The following MTA1 variants were observed in gnomAD, a reference collection of about 807,000 sequenced individuals.
The protein encoded by MTA1 is metastasis-associated protein MTA1.
In MTA1, 15 loss-of-function variants were observed where a neutral mutation model predicts 97.0. The ratio of observed to expected loss-of-function variants is 0.15; its 90% CI spans 0.10 to 0.24. The LOEUF (loss-of-function observed/expected upper bound fraction) is 0.24. Ranked by LOEUF, MTA1 falls within the 10% of genes least tolerant of loss-of-function variation. MTA1 has a pLI of 1.00. For missense variants in MTA1, 709 were observed against 1,015.1 expected (o/e 0.70, Z 4.10); for synonymous variants, 435 against 417.5 (o/e 1.04, Z -0.51).
At chr14:105,457,461 C>A (rs1266074800) in intron 7 of MTA1, among the ~76,000 whole-genome samples, 1 of 152,238 alleles carries the variant, frequency 6.6e-6, no homozygotes, top group Non-Finnish European at 1.5e-5. Flanking sequence ...CACTCCCTGG[C>A]CCCCGGCTCT....
At chr14:105,454,759 A>G (rs950669401) in intron 7 of MTA1, 5 of 156,934 alleles carry the variant, frequency 3.2e-5, no homozygotes, top group Admixed American at 6.1e-5. Context: ...GGCGCCCGCC[A>G]TCACGCCCGG....
At chr14:105,440,863 G>A (rs2082487726) in intron 2 of MTA1, among the ~76,000 whole-genome samples, 1 of 152,250 alleles carries the variant, frequency 6.6e-6, no homozygotes, top group African/African-American at 2.4e-5. Flanking sequence ...GGGCGCAGCT[G>A]GTTGAGTACA....
chr14:105,464,905 G>C, intron 15 of MTA1, 42 bp downstream of exon 15: 1 of 1,518,378 alleles, frequency 6.6e-7, no homozygotes, highest in Non-Finnish European at 8.8e-7. Flanking sequence ...TCCTGCGGGT[G>C]GTGGGGAGAG....
At chr14:105,437,034 G>A (rs587733232) in intron 1 of MTA1, among the ~76,000 whole-genome samples, 1 of 152,366 alleles carries the variant, frequency 6.6e-6, no homozygotes, top group Admixed American at 6.5e-5. Context: ...CCCGGGCACC[G>A]TGGCTGTGTC....
chr14:105,449,443 C>T, intron 4 of MTA1, 34 bp downstream of exon 4: 2 of 1,604,964 alleles, frequency 1.2e-6, no homozygotes, highest in Non-Finnish European at 1.7e-6. Context: ...GGGCGTCCTC[C>T]TGTCTGTGTC....
rs587681457 is a variant in MTA1, at chr14:105,456,585, C to T, written c.551-1685C>T. Among the ~76,000 whole-genome samples, 109 of 152,342 alleles carry T rather than the reference C, an allele frequency of 7.2e-4. 1 individual carries two copies. The highest frequency in any genetic ancestry group is 2.2e-3 in the African/African-American group (92 of 41,578). On this transcript the variant is annotated intron_variant, in intron 7 of 20. Coordinates refer to ENST00000331320, the MANE Select transcript of MTA1 (RefSeq NM_004689.4). The stretch of plus-strand genomic sequence containing the variant: ...TGGCGTCCAGAGCTTTCCCCACCTC[C>T]GAGAGGCTGTGTCCCTCTTGAGTGA...
intron 2 of MTA1, among the ~76,000 whole-genome samples, chr14:105,441,328 C>A (rs1486481750): frequency 6.6e-6 from 1 of 152,226 alleles, no homozygotes; most frequent in Non-Finnish European, 1.5e-5. Context: ...GCCCACAGAC[C>A]CAGCTGCTGG....
intron 3 of MTA1, chr14:105,445,882 GTC>G (rs2082702909): frequency 5.5e-6 from 2 of 360,934 alleles, no homozygotes; most frequent in South Asian, 2.2e-5. Flanking sequence ...ACTTGCCAAT[GTC>G]TCTCTCTTTT....
At chr14:105,426,823 C>T (rs1431132206) in intron 1 of MTA1, among the ~76,000 whole-genome samples, 3 of 152,236 alleles carry the variant, frequency 2.0e-5, no homozygotes, top group African/African-American at 7.2e-5. Context: ...AAATACAGGA[C>T]ACCCCTGCAG....
At chr14:105,441,967 A>G (rs2082546713) in intron 2 of MTA1, among the ~76,000 whole-genome samples, 1 of 152,186 alleles carries the variant, frequency 6.6e-6, no homozygotes, top group Non-Finnish European at 1.5e-5. Flanking sequence ...GAAGTAGCAA[A>G]TGAAATGAAA....
At chr14:105,432,114 A>G (rs782721838) in intron 1 of MTA1, among the ~76,000 whole-genome samples, 1 of 152,316 alleles carries the variant, frequency 6.6e-6, no homozygotes, top group Non-Finnish European at 1.5e-5. Flanking sequence ...TGCAGCCTCA[A>G]TTTCCTGGGC....
intron 18 of MTA1, chr14:105,468,014 CAG>C (rs2083668434): frequency 3.2e-6 from 1 of 316,552 alleles, no homozygotes; most frequent in African/African-American, 2.2e-5. Context: ...GCCCTGGGCT[CAG>C]AGGGGTCAGC....
At chr14:105,456,066 G>A (rs1454577620) in intron 7 of MTA1, among the ~76,000 whole-genome samples, 1 of 152,200 alleles carries the variant, frequency 6.6e-6, no homozygotes, top group Non-Finnish European at 1.5e-5. Flanking sequence ...CTGAGCATGG[G>A]GAGGCCGCTG....
intron 1 of MTA1, among the ~76,000 whole-genome samples, chr14:105,430,013 T>C (rs2082133277): frequency 6.6e-6 from 1 of 152,042 alleles, no homozygotes; most frequent in African/African-American, 2.4e-5. Context: ...TGCTTTGGCC[T>C]CCCAAAGTGC....
intron 1 of MTA1, among the ~76,000 whole-genome samples, chr14:105,430,912 GTTA>G (rs1473678131): frequency 1.3e-5 from 2 of 152,178 alleles, no homozygotes; most frequent in East Asian, 1.9e-4. Context: ...AGGGATTCCA[GTTA>G]TTATGTGGCT....
At chr14:105,430,136 G>T (rs1220426464) in intron 1 of MTA1, among the ~76,000 whole-genome samples, 3 of 152,148 alleles carry the variant, frequency 2.0e-5, no homozygotes, top group Admixed American at 2.0e-4. Flanking sequence ...CAGGCTTTCC[G>T]TTAGGGTATC....
At chr14:105,432,134 A>G (rs886824969) in intron 1 of MTA1, among the ~76,000 whole-genome samples, 20 of 152,182 alleles carry the variant, frequency 1.3e-4, no homozygotes, top group Non-Finnish European at 2.2e-4. Context: ...CTCAGGTGTG[A>G]GCCCCTGTGC....
At chr14:105,468,966 G>C (rs1362779139) in intron 18 of MTA1, 1 of 328,378 alleles carries the variant, frequency 3.0e-6, no homozygotes, top group African/African-American at 2.2e-5. Flanking sequence ...GCACATGCCA[G>C]GGTGGCTGGG....
Position 105,470,078 on chromosome 14 carries a change from C to G in MTA1, c.2011C>G (p.Leu671Val). ...CTCTGCCCACAGGAAGATCCGCAAGCTGCTCTCATCCTCGGAAACCAAGCG... is the reference window on the plus strand; with the variant it reads ...CTCTGCCCACAGGAAGATCCGCAAGGTGCTCTCATCCTCGGAAACCAAGCG... ...ATEETRKIRK[L>V]LSSSETKRAA... Residue 671 changes from leucine (L) to valine (V), a missense_variant, in exon 21 of 21, where the codon CTG becomes GTG. Around this residue, in one of 2 missense-constraint regions of MTA1, gnomAD observed 388 missense variants for 421.6 expected, o/e 0.92. Coordinates refer to ENST00000331320, the MANE Select transcript of MTA1 (RefSeq NM_004689.4). 6.2e-7 allele frequency: 1 copy of G among 1,612,642 alleles called. No individual in the cohort carries two copies. Among genetic ancestry groups the G allele is most frequent in the Non-Finnish European group, 8.5e-7 (1 of 1,179,870 alleles).
Sources: gnomAD v4.1 joint callset for allele counts (sites outside exome capture counted in the v4.1 genomes callset) on GRCh38, gnomAD v4.1.1 for gene constraint, gnomAD v4.1.1 regional missense constraint, MANE v1.5 for transcripts, NCBI Gene and HGNC (gene_info 2026-07-23, HGNC 2026-07-21) for gene names.